The following TMEM132B variants were observed in gnomAD, a reference collection of about 807,000 sequenced individuals.
TMEM132B encodes transmembrane protein 132B.
TMEM132B carries 18 observed loss-of-function variants against 90.8 expected under a neutral mutation model. The observed-to-expected ratio is 0.20, with a 90% CI of 0.14 to 0.29. TMEM132B has a LOEUF of 0.29. Among genes scored for constraint, TMEM132B ranks in the 10% least tolerant of loss-of-function variants. The probability of loss-of-function intolerance (pLI) is 1.00; values close to 1 mark genes in which losing one functional copy is unlikely to be tolerated. For missense variants in TMEM132B, 1,096 were observed against 1,326.8 expected (o/e 0.83, Z 2.70); for synonymous variants, 504 against 523.3 (o/e 0.96, Z 0.50).
At chr12:125,389,172 A>G (rs1878935652) in intron 2 of TMEM132B, among the ~76,000 whole-genome samples, 2 of 152,206 alleles carry the variant, frequency 1.3e-5, no homozygotes, top group African/African-American at 4.8e-5. Context: ...ACAAACAATA[A>G]ATAAGTAAGC....
chr12:125,427,925 C>T (rs1880368063), intron 3 of TMEM132B, among the ~76,000 whole-genome samples: 1 of 152,098 alleles, frequency 6.6e-6, no homozygotes, highest in African/African-American at 2.4e-5. Flanking sequence ...AGAGCCTTTA[C>T]ATCAGATTTC....
chr12:125,263,405 AAC>A (rs1874612707), intron 1 of TMEM132B, among the ~76,000 whole-genome samples: 2 of 152,212 alleles, frequency 1.3e-5, no homozygotes, highest in Admixed American at 1.3e-4. Context: ...GCAGAATAAT[AAC>A]ACATTCTCAT....
chr12:125,556,669 G>A (rs140893709), intron 4 of TMEM132B, among the ~76,000 whole-genome samples: 241 of 152,306 alleles, frequency 1.6e-3, no homozygotes, highest in Non-Finnish European at 3.0e-3. Flanking sequence ...TAGCATCAGG[G>A]CGAGCTTCTT....
intron 1 of TMEM132B, among the ~76,000 whole-genome samples, chr12:125,203,921 T>A (rs1369292092): frequency 2.0e-5 from 3 of 152,202 alleles, no homozygotes; most frequent in African/African-American, 7.2e-5. Context: ...TATAAAGAAC[T>A]ATCAACTCCT....
chr12:125,253,534 A>C (rs1322243781), intron 1 of TMEM132B, among the ~76,000 whole-genome samples: 4 of 150,338 alleles, frequency 2.7e-5, no homozygotes, highest in African/African-American at 9.8e-5. Context: ...TCCCAGGCTC[A>C]AGCAGTCCTC....
At chr12:125,516,961 G>C (rs930029748) in intron 3 of TMEM132B, among the ~76,000 whole-genome samples, 2 of 152,214 alleles carry the variant, frequency 1.3e-5, no homozygotes, top group Admixed American at 6.5e-5. Context: ...GAATATGGTT[G>C]ATGGGAAATG....
intron 1 of TMEM132B, among the ~76,000 whole-genome samples, chr12:125,292,938 G>A (rs11058130): frequency 0.14 from 20,771 of 152,226 alleles, 1,586 homozygotes; most frequent in African/African-American, 0.2. Flanking sequence ...TTTCTCCAAG[G>A]AAAATTGAGG....
chr12:125,479,357 T>C (rs956037342), intron 3 of TMEM132B, among the ~76,000 whole-genome samples: 16 of 152,236 alleles, frequency 1.1e-4, no homozygotes, highest in African/African-American at 3.1e-4. Context: ...GTGCTGTATT[T>C]AGGAGACCCA....
intron 2 of TMEM132B, among the ~76,000 whole-genome samples, chr12:125,388,769 G>A (rs866242676): frequency 3.9e-5 from 6 of 152,278 alleles, no homozygotes; most frequent in South Asian, 2.1e-4. Context: ...ATCCCTGCTC[G>A]TCTTCTGGCT....
At chr12:125,265,437 TC>T (rs1314764551) in intron 1 of TMEM132B, among the ~76,000 whole-genome samples, 1 of 148,596 alleles carries the variant, frequency 6.7e-6, no homozygotes, top group Non-Finnish European at 1.5e-5. Context: ...GTGAATGTGG[TC>T]TCTCTCTCTG....
intron 3 of TMEM132B, among the ~76,000 whole-genome samples, chr12:125,484,491 G>T (rs956804327): frequency 6.6e-6 from 1 of 152,144 alleles, no homozygotes; most frequent in South Asian, 2.1e-4. Context: ...GGGACTTTGA[G>T]TCTTGAGTAG....
intron 1 of TMEM132B, among the ~76,000 whole-genome samples, chr12:125,229,669 T>G (rs1360325172): frequency 1.3e-5 from 2 of 152,230 alleles, no homozygotes; most frequent in Non-Finnish European, 2.9e-5. Flanking sequence ...GTGTTGCAGC[T>G]TCAGGCATAG....
intron 1 of TMEM132B, among the ~76,000 whole-genome samples, chr12:125,333,248 C>T (rs549035437): frequency 2.0e-5 from 3 of 152,284 alleles, no homozygotes; most frequent in South Asian, 2.1e-4. Context: ...CTTATAAGGA[C>T]GTCTGTCATT....
At chr12:125,255,066 G>C (rs751347533) in intron 1 of TMEM132B, among the ~76,000 whole-genome samples, 1 of 152,130 alleles carries the variant, frequency 6.6e-6, no homozygotes, top group East Asian at 1.9e-4. Context: ...GATGATATGC[G>C]TGGAAATGCG....
At chr12:125,387,923 G>C (rs1228313254) in intron 2 of TMEM132B, among the ~76,000 whole-genome samples, 1 of 152,168 alleles carries the variant, frequency 6.6e-6, no homozygotes, top group Non-Finnish European at 1.5e-5. Context: ...GGTCAGTACT[G>C]TTGTGGAATG....
chr12:125,407,447 A>G lies in TMEM132B; in HGVS notation c.960-8084A>G, dbSNP rs556215791. On this transcript the variant is annotated intron_variant, in intron 2 of 8. Transcript: ENST00000682704. The surrounding 1 kb of genome is among the most constrained non-coding windows in gnomAD (Gnocchi z 6.7). The stretch of plus-strand genomic sequence containing the variant: ...AGAGCAGGTTTCCTTTTGCCCAGCT[A>G]GGTGGTGGATGCTATGGGCTGGGAA... Among the ~76,000 whole-genome samples the G allele has an allele frequency of 6.6e-6, 1 of 152,196 alleles. No homozygotes were observed. Among genetic ancestry groups the G allele is most frequent in the Non-Finnish European group, 1.5e-5 (1 of 68,020 alleles).
At chr12:125,539,662 C>A (rs1488029511) in intron 4 of TMEM132B, among the ~76,000 whole-genome samples, 1 of 152,190 alleles carries the variant, frequency 6.6e-6, no homozygotes, top group Non-Finnish European at 1.5e-5. Flanking sequence ...ATAATATTCC[C>A]CTATTATGCT....
chr12:125,394,051 A>C (rs1879103360), intron 2 of TMEM132B, among the ~76,000 whole-genome samples: 1 of 152,212 alleles, frequency 6.6e-6, no homozygotes, highest in Non-Finnish European at 1.5e-5. Context: ...AACAGAGAAC[A>C]ACCCATATAG....
intron 1 of TMEM132B, among the ~76,000 whole-genome samples, chr12:125,286,841 C>T (rs1195754763): frequency 6.6e-6 from 1 of 152,024 alleles, no homozygotes; most frequent in African/African-American, 2.4e-5. Context: ...GTAGCTGGGA[C>T]TACATGTGTG....
Sources: allele counts gnomAD v4.1 joint callset (sites outside exome capture counted in the v4.1 genomes callset), GRCh38; gene constraint gnomAD v4.1.1; non-coding constraint Gnocchi (gnomAD v3.1); transcripts MANE v1.5; gene names NCBI Gene and HGNC (gene_info 2026-07-23, HGNC 2026-07-21).